The following ARHGAP21 variants were observed in gnomAD, a reference collection of about 807,000 sequenced individuals.
ARHGAP21 encodes Rho GTPase activating protein 21.
In ARHGAP21, 38 loss-of-function variants were observed where a neutral mutation model predicts 164.6. That is an observed-to-expected ratio of 0.23 (90% CI 0.18 to 0.30). ARHGAP21 has a LOEUF of 0.30. Ranked by LOEUF, ARHGAP21 falls within the 10% of genes least tolerant of loss-of-function variation. ARHGAP21 has a pLI of 1.00. For synonymous variants in ARHGAP21, 766 were observed against 857.9 expected (o/e 0.89, Z 1.87); for missense variants, 1,822 against 2,370.7 (o/e 0.77, Z 4.81).
chr10:24,650,167 C>T (rs1838012692), intron 4 of ARHGAP21, among the ~76,000 whole-genome samples: 1 of 152,078 alleles, frequency 6.6e-6, no homozygotes, highest in African/African-American at 2.4e-5. Context: ...GGGCAGAACA[C>T]AGATATTTCA....
chr10:24,621,949 T>C (rs1394567396), intron 8 of ARHGAP21, among the ~76,000 whole-genome samples: 1 of 152,132 alleles, frequency 6.6e-6, no homozygotes, highest in African/African-American at 2.4e-5. Context: ...TAAGATAATA[T>C]GCAAGTTTAA....
At chr10:24,602,208 A>G in intron 12 of ARHGAP21, 105 bp from the exon 13 acceptor site, 2 of 1,327,992 alleles carry the variant, frequency 1.5e-6, no homozygotes, top group Non-Finnish European at 2.0e-6. Flanking sequence ...TTTCAAGTGA[A>G]GGGCTATTTT....
At chr10:24,647,411 T>A (rs752606021) in intron 4 of ARHGAP21, among the ~76,000 whole-genome samples, 1 of 152,242 alleles carries the variant, frequency 6.6e-6, no homozygotes, top group Non-Finnish European at 1.5e-5. Context: ...ATAGCAGCTA[T>A]GGGAAACTGA....
chr10:24,625,935 T>C (rs896172120), intron 7 of ARHGAP21, among the ~76,000 whole-genome samples: 1 of 152,114 alleles, frequency 6.6e-6, no homozygotes, highest in Non-Finnish European at 1.5e-5. Context: ...AAACAGTTCA[T>C]CTCCACTCAA....
chr10:24,704,887 C>T (rs578117326), intron 2 of ARHGAP21, among the ~76,000 whole-genome samples: 23 of 152,260 alleles, frequency 1.5e-4, no homozygotes, highest in African/African-American at 5.3e-4. Flanking sequence ...GCCATTATGC[C>T]TGGCCTAAAA....
chr10:24,678,515 T>C (rs1841484527), intron 2 of ARHGAP21, among the ~76,000 whole-genome samples: 1 of 152,120 alleles, frequency 6.6e-6, no homozygotes, highest in African/African-American at 2.4e-5. Flanking sequence ...TTGTTTTGTT[T>C]ATTTTGAGAC....
At chr10:24,608,461 C>T (rs1340316057) in intron 9 of ARHGAP21, among the ~76,000 whole-genome samples, 2 of 152,104 alleles carry the variant, frequency 1.3e-5, no homozygotes, top group Non-Finnish European at 2.9e-5. Flanking sequence ...ATAAAAACAT[C>T]AGTGATTTAA....
chr10:24,589,373 T>G, intron 24 of ARHGAP21, 71 bp from the exon 25 acceptor site: 1 of 1,390,180 alleles, frequency 7.2e-7, no homozygotes, highest in Non-Finnish European at 1.0e-6. Flanking sequence ...AATGCAAAAC[T>G]TATGGAAAGA....
chr10:24,665,251 T>C (rs901498979), intron 4 of ARHGAP21, among the ~76,000 whole-genome samples: 3 of 151,796 alleles, frequency 2.0e-5, no homozygotes, highest in African/African-American at 7.3e-5. Context: ...CTTGTACCAG[T>C]GACAACTATG....
intron 9 of ARHGAP21, among the ~76,000 whole-genome samples, chr10:24,613,550 A>G (rs1355929093): frequency 2.0e-5 from 3 of 152,222 alleles, no homozygotes; most frequent in Non-Finnish European, 2.9e-5. Context: ...TTAATAACCA[A>G]AAGGTCAATG....
rs768707165 is a variant in ARHGAP21, at chr10:24,620,764, C to T, written c.1131G>A (p.Ser377=). The T allele has an allele frequency of 4.3e-6, 7 of 1,614,052 alleles. No homozygotes were observed. Among genetic ancestry groups the T allele is most frequent in the Non-Finnish European group, 3.4e-6 (4 of 1,180,026 alleles). Residue 377 remains serine, a synonymous_variant, in exon 9 of 26, where the codon TCG becomes TCA. Transcript: ENST00000396432. The part of the protein sequence containing the change: ...EAPSVSVNHY[S]PNSHQHIDWK... ...AGTCTATGTGCTGATGGGAATTTGG[C>T]GAATAGTGATTAACAGATACAGAGG...
At chr10:24,588,852 G>A (rs1307920623) in intron 25 of ARHGAP21, among the ~76,000 whole-genome samples, 1 of 152,176 alleles carries the variant, frequency 6.6e-6, no homozygotes, top group African/African-American at 2.4e-5. Context: ...CAGATGATAT[G>A]ATGCTTGGGA....
At chr10:24,625,925 A>G (rs866146466) in intron 7 of ARHGAP21, among the ~76,000 whole-genome samples, 93 of 152,292 alleles carry the variant, frequency 6.1e-4, no homozygotes, top group African/African-American at 2.1e-3. Context: ...TAAGCCACCT[A>G]AACAGTTCAT....
intron 11 of ARHGAP21, among the ~76,000 whole-genome samples, chr10:24,607,017 T>TAAGTA (rs1395755218): frequency 1.3e-5 from 2 of 152,218 alleles, no homozygotes; most frequent in African/African-American, 4.8e-5. Flanking sequence ...GAGTATTGGT[T>TAAGTA]AAGTATATTA....
At chr10:24,615,630 T>G (rs1833865195) in intron 9 of ARHGAP21, among the ~76,000 whole-genome samples, 1 of 152,198 alleles carries the variant, frequency 6.6e-6, no homozygotes, top group Non-Finnish European at 1.5e-5. Context: ...CTGAGAGAGC[T>G]TCAGCAAAGT....
chr10:24,660,661 T>C (rs116634476), intron 4 of ARHGAP21, among the ~76,000 whole-genome samples: 104 of 152,310 alleles, frequency 6.8e-4, no homozygotes, highest in African/African-American at 2.3e-3. Context: ...TTTTGTAATA[T>C]CCAGATCTCT....
At chr10:24,591,506 C>G in intron 23 of ARHGAP21, 136 bp downstream of exon 23, 4 of 1,228,334 alleles carry the variant, frequency 3.3e-6, no homozygotes, top group Non-Finnish European at 4.7e-6. Context: ...TTCATTAGAT[C>G]AGAAACTGAG....
intron 4 of ARHGAP21, among the ~76,000 whole-genome samples, chr10:24,653,929 T>G (rs1838497386): frequency 6.6e-6 from 1 of 151,536 alleles, no homozygotes; most frequent in Non-Finnish European, 1.5e-5. Flanking sequence ...AAAAAGAAGG[T>G]GAAAAGACGA....
chr10:24,603,470 A>C (rs74653141), intron 12 of ARHGAP21, among the ~76,000 whole-genome samples: 1,624 of 152,274 alleles, frequency 0.011, 12 homozygotes, highest in Non-Finnish European at 0.017. Context: ...GTAGTGAATA[A>C]AGCAGGATGT....
Sources: gnomAD v4.1 joint callset for allele counts (sites outside exome capture counted in the v4.1 genomes callset) on GRCh38, gnomAD v4.1.1 for gene constraint, MANE v1.5 for transcripts, NCBI Gene and HGNC (gene_info 2026-07-23, HGNC 2026-07-21) for gene names.